Variants in RNASE10 observed in about 807,000 individuals in gnomAD.
The protein encoded by RNASE10 is ribonuclease A family member 10 (inactive).
Under a neutral mutation model 1.1 loss-of-function variants are expected in RNASE10, and 2 were observed. The observed-to-expected ratio is 1.82, with a 90% CI of 0.74 to 5.73. The LOEUF is 5.73. Among genes scored for constraint, RNASE10 ranks in the 30% most tolerant of loss-of-function variants. The probability of loss-of-function intolerance (pLI) is 0.05; values close to 1 mark genes in which losing one functional copy is unlikely to be tolerated. For missense variants in RNASE10, 276 were observed against 263.4 expected (o/e 1.05, Z -0.33); for synonymous variants, 97 against 96.2 (o/e 1.01, Z -0.05).
chr14:20,505,836 T>C (rs1882688905), exon 1 of RNASE10: 1 of 94,032 alleles, frequency 1.1e-5, no homozygotes, highest in Non-Finnish European at 1.9e-5. Context: ...GAGGAGCGTC[T>C]CTGCCCGGCC....
chr14:20,510,283 G>GT, intron 1 of RNASE10, 184 bp from the exon 2 acceptor site: 1 of 384,160 alleles, frequency 2.6e-6, no homozygotes, highest in South Asian at 1.1e-4. Flanking sequence ...AGGGAATGTG[G>GT]TAGGGAGGAA....
intron 1 of RNASE10, among the ~76,000 whole-genome samples, chr14:20,507,526 T>A (rs990947576): frequency 1.7e-4 from 23 of 138,860 alleles, no homozygotes; most frequent in East Asian, 9.8e-4. Context: ...CTTTGTTCAC[T>A]TGTTTATCTG....
downstream of RNASE10, among the ~76,000 whole-genome samples, chr14:20,512,019 G>A (rs183739574): frequency 3.3e-5 from 5 of 152,024 alleles, no homozygotes; most frequent in African/African-American, 9.7e-5. Flanking sequence ...GGGAGTTAGA[G>A]GGGGGTGGGT....
downstream of RNASE10, among the ~76,000 whole-genome samples, chr14:20,512,775 GGTGGTAATGAA>G (rs1469106190): frequency 2.0e-5 from 3 of 152,162 alleles, no homozygotes; most frequent in African/African-American, 4.8e-5. Context: ...ATGTTTTAGA[GGTGGTAATGAA>G]GTGGTGAAAG....
Position 20,510,658 on chromosome 14 carries a change from C to G in RNASE10, c.271C>G (p.Gln91Glu), listed in dbSNP as rs537675210. The G allele has an allele frequency of 2.5e-6, 4 of 1,614,194 alleles. No homozygotes were observed. The African/African-American group carries it at 4.0e-5, about 16-fold the overall frequency. The change falls in exon 2 of 2, where the codon CAA (glutamine) becomes GAA (glutamate). Residue 91 changes from glutamine to glutamate, a missense_variant. Coordinates refer to ENST00000430083, the Ensembl canonical transcript of RNASE10. Reference sequence around the variant, plus strand: ...GGCCACTGAGGAGGGAGACGGCACCCAAACCACAGAAACGCTGGTGCTTAG... The same window carrying G: ...GGCCACTGAGGAGGGAGACGGCACCGAAACCACAGAAACGCTGGTGCTTAG...
chr14:20,510,473 T>C (rs772505706), exon 2 of RNASE10: 1 of 1,602,078 alleles, frequency 6.2e-7, no homozygotes, highest in Non-Finnish European at 8.5e-7. Context: ...CCAGGCAAAA[T>C]GAAGCTGAAT....
At chr14:20,510,340 A>C in intron 1 of RNASE10, 127 bp from the exon 2 acceptor site, 2 of 1,359,526 alleles carry the variant, frequency 1.5e-6, no homozygotes, top group Non-Finnish European at 2.0e-6. Flanking sequence ...TGAAGAGGGT[A>C]GAGTAATGTG....
intron 1 of RNASE10, among the ~76,000 whole-genome samples, chr14:20,507,839 C>T (rs1462553269): frequency 1.3e-5 from 2 of 151,978 alleles, no homozygotes; most frequent in East Asian, 3.9e-4. Flanking sequence ...CCTCAACTTC[C>T]TGGGCTCCAA....
At chr14:20,508,348 AT>A (rs1335053247) in intron 1 of RNASE10, among the ~76,000 whole-genome samples, 10 of 152,118 alleles carry the variant, frequency 6.6e-5, no homozygotes, top group Non-Finnish European at 2.9e-5. Context: ...GAAATAAACA[AT>A]TCATAATTTA....
chr14:20,512,859 A>G (rs1453832050), downstream of RNASE10, among the ~76,000 whole-genome samples: 1 of 152,196 alleles, frequency 6.6e-6, no homozygotes, highest in Non-Finnish European at 1.5e-5. Flanking sequence ...CCGGGGAAAG[A>G]GACAAAAGAT....
chr14:20,508,074 C>G (rs960544519), intron 1 of RNASE10, among the ~76,000 whole-genome samples: 2 of 151,924 alleles, frequency 1.3e-5, no homozygotes, highest in African/African-American at 4.8e-5. Context: ...TTATCATTTT[C>G]TCTCTCTCTC....
At chr14:20,511,907 C>G (rs1882908544), downstream of RNASE10, among the ~76,000 whole-genome samples, 1 of 151,864 alleles carries the variant, frequency 6.6e-6, no homozygotes, top group Non-Finnish European at 1.5e-5. Flanking sequence ...TTATCTGGAT[C>G]CTTTTAGAGA....
At chr14:20,508,438 T>C (rs1882807869) in intron 1 of RNASE10, among the ~76,000 whole-genome samples, 1 of 152,220 alleles carries the variant, frequency 6.6e-6, no homozygotes, top group Non-Finnish European at 1.5e-5. Context: ...GAACCATCCC[T>C]TTGTCCAGCG....
intron 1 of RNASE10, among the ~76,000 whole-genome samples, chr14:20,508,123 T>C (rs1304688736): frequency 1.3e-5 from 2 of 152,188 alleles, no homozygotes; most frequent in Non-Finnish European, 2.9e-5. Flanking sequence ...TATATCTATA[T>C]TCCGAAGCAT....
At chr14:20,507,765 G>T (rs978890121) in intron 1 of RNASE10, among the ~76,000 whole-genome samples, 12 of 110,856 alleles carry the variant, frequency 1.1e-4, no homozygotes, top group Admixed American at 5.9e-4. Context: ...TATTTATTTA[G>T]AGATAGATTC....
At chr14:20,507,088 C>A (rs1239960168) in intron 1 of RNASE10, among the ~76,000 whole-genome samples, 3 of 149,392 alleles carry the variant, frequency 2.0e-5, no homozygotes, top group Admixed American at 6.6e-5. Context: ...CCCCTCTGCC[C>A]GGCCAGGACC....
At chr14:20,507,116 C>T (rs1301178686) in intron 1 of RNASE10, among the ~76,000 whole-genome samples, 1 of 149,140 alleles carries the variant, frequency 6.7e-6, no homozygotes, top group Non-Finnish European at 1.5e-5. Context: ...GGAGGTGTGC[C>T]CAGCGGCTCA....
intron 1 of RNASE10, among the ~76,000 whole-genome samples, chr14:20,506,577 GC>G (rs1357453965): frequency 9.5e-6 from 1 of 105,412 alleles, no homozygotes; most frequent in African/African-American, 4.2e-5. Flanking sequence ...GAAGTGAGGA[GC>G]CCCTCTGCCC....
chr14:20,512,355 G>T (rs1395421898), downstream of RNASE10, among the ~76,000 whole-genome samples: 1 of 152,234 alleles, frequency 6.6e-6, no homozygotes, highest in Admixed American at 6.5e-5. Context: ...GAGAAATAGT[G>T]TAGTTAGTCA....
Sources: gnomAD v4.1 joint callset for allele counts (sites outside exome capture counted in the v4.1 genomes callset) on GRCh38, gnomAD v4.1.1 for gene constraint, MANE v1.5 for transcripts, NCBI Gene and HGNC (gene_info 2026-07-23, HGNC 2026-07-21) for gene names.